Variants in MAU2 observed in about 807,000 individuals in gnomAD.
MAU2 encodes MAU2 chromatid cohesion factor homolog.
MAU2 carries 9 observed loss-of-function variants against 89.1 expected under a neutral mutation model. That is an observed-to-expected ratio of 0.10 (90% CI 0.06 to 0.18). MAU2 has a LOEUF of 0.18. MAU2 is among the 10% of genes least tolerant of loss of function. The probability of loss-of-function intolerance (pLI) is 1.00; values close to 1 mark genes in which losing one functional copy is unlikely to be tolerated. For missense variants in MAU2, 425 were observed against 803.5 expected, an observed-to-expected ratio of 0.53 and a Z score of 5.69; for synonymous variants, 357 against 343.4, an observed-to-expected ratio of 1.04 and a Z score of -0.44.
Position 19,345,211 on chromosome 19 carries a change from G to C in MAU2, c.1156-93G>C. 1 of 1,128,006 alleles carries C rather than the reference G, an allele frequency of 8.9e-7. No individual in the cohort carries two copies. Among genetic ancestry groups the C allele is most frequent in the Admixed American group, 1.7e-5 (1 of 57,340 alleles). The allele number at this position is 1,128,006 out of a possible 1,614,324, so 69.9% of individuals were successfully genotyped here. A position where few individuals can be genotyped will look rare whatever the true frequency, so the allele number is the denominator to read the frequency against. The stretch of plus-strand genomic sequence containing the variant: ...GTAGAGCCATTGTCATACTCCTCCA[G>C]GGCAGCCGTGCAGGCCCCGGGCACA... On this transcript the variant is annotated intron_variant, in intron 11 of 18. Coordinates refer to ENST00000262815, the MANE Select transcript of MAU2 (RefSeq NM_015329.4). This position sits in a 1 kb window ranked among gnomAD's most constrained non-coding sequence, Gnocchi z 4.9.
At chr19:19,338,735 G>GT (rs1170386605) in intron 4 of MAU2, 110 bp from the exon 5 acceptor site, 11 of 725,942 alleles carry the variant, frequency 1.5e-5, no homozygotes, top group Non-Finnish European at 2.5e-5. Context: ...GACACAGGCA[G>GT]TTTCACTGAC....
intron 5 of MAU2, among the ~76,000 whole-genome samples, chr19:19,339,389 G>T (rs1050038343): frequency 1.3e-5 from 2 of 151,940 alleles, no homozygotes; most frequent in Non-Finnish European, 2.9e-5. Flanking sequence ...AGAGGTTGCA[G>T]TGAGCCAAGA....
At chr19:19,347,540 A>G (rs951022168) in intron 13 of MAU2, 174 bp downstream of exon 13, 5 of 586,846 alleles carry the variant, frequency 8.5e-6, no homozygotes, top group East Asian at 5.8e-5. Context: ...GAATCGGGCT[A>G]TGGCCGGGGG....
At chr19:19,327,347 A>G (rs931609757) in intron 1 of MAU2, among the ~76,000 whole-genome samples, 1 of 141,864 alleles carries the variant, frequency 7.0e-6, no homozygotes, top group Admixed American at 7.1e-5. Flanking sequence ...TTATTTTGAG[A>G]CAGAGTCTCG....
At chr19:19,337,324 C>A in intron 4 of MAU2, 59 bp downstream of exon 4, 1 of 1,352,160 alleles carries the variant, frequency 7.4e-7, no homozygotes, top group Non-Finnish European at 1.1e-6. Context: ...CTGGGGCACA[C>A]CTGCCCCATT....
Position 19,345,111 on chromosome 19 carries a change from C to G in MAU2, c.1155+185C>G. 1 of 717,248 alleles carries G rather than the reference C, an allele frequency of 1.4e-6. No individual in the cohort carries two copies. The highest frequency in any genetic ancestry group is 2.4e-6 in the Non-Finnish European group (1 of 417,834). 44.4% of individuals were successfully genotyped at this position (717,248 alleles called of 1,614,324 possible). A position where few individuals can be genotyped will look rare whatever the true frequency, so the allele number is the denominator to read the frequency against. ...GATCCGGAATGCTCCCAGTGAGCAT[C>G]TTGTCCCACCCCACATTGGCTTGGG... is the stretch of plus-strand genomic sequence containing the variant. On this transcript the variant is annotated intron_variant, in intron 11 of 18. Coordinates refer to ENST00000262815, the MANE Select transcript of MAU2 (RefSeq NM_015329.4). This position sits in a 1 kb window ranked among gnomAD's most constrained non-coding sequence, Gnocchi z 4.9.
In MAU2 at chr19:19,344,294, C is replaced by A. The variant is rs2061676175; in HGVS notation, c.1077+354C>A. 4 of 283,674 alleles carry A rather than the reference C, an allele frequency of 1.4e-5. No homozygotes were observed. In the South Asian group the frequency reaches 1.4e-4, roughly 10 times the overall value. 17.6% of individuals were successfully genotyped at this position (283,674 alleles called of 1,614,324 possible). A position where few individuals can be genotyped will look rare whatever the true frequency, so the allele number is the denominator to read the frequency against. Reference sequence around the variant, plus strand: ...AGGTGTGGTGGCAGACACCTGTAATCCCAGTTACTTGAGAGGCTGAGGCAG... The same window carrying A: ...AGGTGTGGTGGCAGACACCTGTAATACCAGTTACTTGAGAGGCTGAGGCAG... On this transcript the variant is annotated intron_variant, in intron 10 of 18. Coordinates refer to ENST00000262815, the MANE Select transcript of MAU2 (RefSeq NM_015329.4).
intron 16 of MAU2, among the ~76,000 whole-genome samples, chr19:19,351,359 C>G (rs2061742333): frequency 6.7e-6 from 1 of 150,194 alleles, no homozygotes; most frequent in Non-Finnish European, 1.5e-5. Flanking sequence ...GAGATGCTAT[C>G]TCTTAAAAAA....
chr19:19,343,246 T>TC (rs2061667327), intron 9 of MAU2, among the ~76,000 whole-genome samples: 1 of 152,146 alleles, frequency 6.6e-6, no homozygotes, highest in South Asian at 2.1e-4. Context: ...TTCCAGATGC[T>TC]CAAGTGTCTA....
At chr19:19,323,756 C>G (rs1031189813) in intron 1 of MAU2, among the ~76,000 whole-genome samples, 1 of 152,176 alleles carries the variant, frequency 6.6e-6, no homozygotes, top group Admixed American at 6.5e-5. Context: ...AGTGCTGGAA[C>G]TACAGGCTTG....
At chr19:19,336,219 G>A (rs1177686630) in intron 3 of MAU2, 32 bp downstream of exon 3, 2 of 1,460,676 alleles carry the variant, frequency 1.4e-6, no homozygotes, top group South Asian at 1.1e-5. Context: ...TGAAAGCAAA[G>A]TGTCTCTCCG....
intron 4 of MAU2, among the ~76,000 whole-genome samples, chr19:19,337,932 G>A (rs1368079774): frequency 2.0e-5 from 3 of 152,198 alleles, no homozygotes; most frequent in Non-Finnish European, 2.9e-5. Context: ...GCTCCACCAC[G>A]TGGGGCACCT....
rs1599914195 is a variant in MAU2 at position 19,342,922 on chromosome 19, G to A, written c.973+56G>A. ...CACAGCGACCCCTGGCGGACGGCCT[G>A]GCCAGACGCTAGCTGTACCAGGGCC... is the stretch of plus-strand genomic sequence containing the variant. On this transcript the variant is annotated intron_variant, in intron 9 of 18. Transcript: ENST00000262815. The A allele has an allele frequency of 2.5e-6, 4 of 1,588,362 alleles. No individual in the cohort carries two copies. The East Asian group carries it at 8.9e-5, about 35-fold the overall frequency.
At chr19:19,349,975 A>T (rs185028209) in intron 16 of MAU2, among the ~76,000 whole-genome samples, 2 of 111,258 alleles carry the variant, frequency 1.8e-5, no homozygotes, top group African/African-American at 3.6e-5. Context: ...GAGGTCTTGA[A>T]TTTTTTTTTT....
At chr19:19,355,674 A>G (rs767739114) in intron 18 of MAU2, 34 bp from the exon 19 acceptor site, 37 of 1,567,822 alleles carry the variant, frequency 2.4e-5, no homozygotes, top group Non-Finnish European at 3.0e-5. Context: ...AACGGTCCAC[A>G]GTGCCTCACT....
intron 1 of MAU2, among the ~76,000 whole-genome samples, chr19:19,325,923 T>C (rs2061500399): frequency 6.6e-6 from 1 of 152,174 alleles, no homozygotes; most frequent in South Asian, 2.1e-4. Context: ...CCCAGCCTCC[T>C]TGGTCATCAC....
chr19:19,339,380 G>A (rs1183545189), intron 5 of MAU2, among the ~76,000 whole-genome samples: 1 of 151,962 alleles, frequency 6.6e-6, no homozygotes, highest in Non-Finnish European at 1.5e-5. Flanking sequence ...CCGGGAGGCA[G>A]AGGTTGCAGT....
intron 12 of MAU2, 59 bp from the exon 13 acceptor site, chr19:19,347,221 C>T (rs2061700142): frequency 1.9e-6 from 2 of 1,056,190 alleles, no homozygotes; most frequent in South Asian, 1.3e-5. Flanking sequence ...TGCTCTGACA[C>T]TGCCACATGG....
At chr19:19,334,684 C>T in intron 1 of MAU2, 3 of 839,026 alleles carry the variant, frequency 3.6e-6, no homozygotes, top group Non-Finnish European at 4.3e-6. Flanking sequence ...GGAGTGGCCG[C>T]TGTTGCCGCA....
Sources: gnomAD v4.1 joint callset for allele counts (sites outside exome capture counted in the v4.1 genomes callset) on GRCh38, gnomAD v4.1.1 for gene constraint, Gnocchi (gnomAD v3.1) non-coding constraint, MANE v1.5 for transcripts, NCBI Gene and HGNC (gene_info 2026-07-23, HGNC 2026-07-21) for gene names.